Variants in VAV1 observed in about 807,000 individuals in gnomAD.
VAV1 encodes the protein vav guanine nucleotide exchange factor 1.
Under a neutral mutation model 128.1 loss-of-function variants are expected in VAV1, and 33 were observed. The observed-to-expected ratio is 0.26, with a 90% CI of 0.20 to 0.34. The LOEUF (loss-of-function observed/expected upper bound fraction) is 0.34. VAV1 is among the 10% of genes least tolerant of loss of function. VAV1 has a pLI of 1.00. For missense variants in VAV1, 715 were observed against 1,093.7 expected (o/e 0.65, Z 4.88); for synonymous variants, 394 against 409.8 (o/e 0.96, Z 0.47).
At chr19:6,848,335 A>AAATT in intron 23 of VAV1, among the ~76,000 whole-genome samples, 1 of 152,272 alleles carries the variant, frequency 6.6e-6, no homozygotes, top group South Asian at 2.1e-4. Flanking sequence ...AAGGCTCTTA[A>AAATT]AATTAATTAA....
intron 1 of VAV1, among the ~76,000 whole-genome samples, chr19:6,782,375 T>C (rs1055072453): frequency 1.3e-4 from 20 of 151,862 alleles, no homozygotes; most frequent in African/African-American, 4.8e-4. Context: ...TAAAATAAAA[T>C]AAAATGGAAA....
chr19:6,776,550 A>ATCCATCCG (rs1372497448), intron 1 of VAV1, among the ~76,000 whole-genome samples: 21 of 116,570 alleles, frequency 1.8e-4, no homozygotes, highest in African/African-American at 6.7e-4. Flanking sequence ...CCATCCATCC[A>ATCCATCCG]TCCATTCAAC....
At position 6,828,028 on chromosome 19, in the gene VAV1, T is replaced by A; in HGVS notation, c.928-48T>A. ...TATCTGCACCCACCCTGCAACTGGC[T>A]GTTTCTGGGACCTGCCTCAGTTTCC... On this transcript the variant is annotated intron_variant, in intron 9 of 26. Coordinates refer to ENST00000602142, the MANE Select transcript of VAV1 (RefSeq NM_005428.4). This position sits in a 1 kb window ranked among gnomAD's most constrained non-coding sequence, Gnocchi z 4.5. The A allele has an allele frequency of 6.4e-7, 1 of 1,553,484 alleles. No homozygotes were observed. Among genetic ancestry groups the A allele is most frequent in the Non-Finnish European group, 8.9e-7 (1 of 1,125,144 alleles).
chr19:6,796,761 T>G lies in VAV1; in HGVS notation c.204+23750T>G, dbSNP rs118050552. Among the ~76,000 whole-genome samples the G allele has an allele frequency of 2.6e-5, 4 of 152,280 alleles. No homozygotes were observed. The East Asian group carries it at 7.7e-4, about 29-fold the overall frequency. ...ATTCTCCATTCCTTTTCCTACTTAT[T>G]TTTTTCTCGCTTAACACTTACCACC... On this transcript the variant is annotated intron_variant, in intron 1 of 26. Coordinates refer to ENST00000602142, the MANE Select transcript of VAV1 (RefSeq NM_005428.4).
At chr19:6,788,608 C>T (rs776507975) in intron 1 of VAV1, among the ~76,000 whole-genome samples, 5 of 152,050 alleles carry the variant, frequency 3.3e-5, no homozygotes, top group Admixed American at 6.6e-5. Context: ...AATGACCTCA[C>T]GTGATCTGCC....
At chr19:6,802,038 C>G (rs34640358) in intron 1 of VAV1, among the ~76,000 whole-genome samples, 132,027 of 151,858 alleles carry the variant, frequency 0.87, 57,657 homozygotes, top group East Asian at 0.94. Context: ...CCTCATAATG[C>G]CTCTCCTACG....
At chr19:6,805,583 TACACACACACACACAC>T (rs55732746) in intron 1 of VAV1, among the ~76,000 whole-genome samples, 7 of 139,092 alleles carry the variant, frequency 5.0e-5, no homozygotes, top group African/African-American at 7.9e-5. Flanking sequence ...TTTCTACAGA[TACACACACACACACAC>T]ACACACACAC....
rs4029439 is a variant in VAV1, at chr19:6,849,285, CTTTTTTT to C, written c.2129+1186_2129+1192del. On this transcript the variant is annotated intron_variant, in intron 23 of 26. Coordinates refer to ENST00000602142, the MANE Select transcript of VAV1 (RefSeq NM_005428.4). ...CTCCCCCGAGTCTACTGTTTCCAGCCTTTTTTTTTTTTTTTTTTTTTGAGATGGAGTC... is the reference window on the plus strand; with the variant it reads ...CTCCCCCGAGTCTACTGTTTCCAGCCTTTTTTTTTTTTTTGAGATGGAGTC... Among the ~76,000 whole-genome samples, 178 of 92,174 alleles carry C rather than the reference CTTTTTTT, an allele frequency of 1.9e-3. 1 individual carries two copies. The highest frequency in any genetic ancestry group is 0.01 in the African/African-American group (173 of 16,844). 60.5% of individuals were successfully genotyped at this position (92,174 alleles called of 152,430 possible). A position where few individuals can be genotyped will look rare whatever the true frequency, so the allele number is the denominator to read the frequency against.
intron 1 of VAV1, among the ~76,000 whole-genome samples, chr19:6,778,283 C>A (rs186759327): frequency 2.3e-4 from 35 of 152,238 alleles, no homozygotes; most frequent in African/African-American, 8.4e-4. Context: ...GGAGATGGAA[C>A]TTGAAGGCCA....
intron 1 of VAV1, among the ~76,000 whole-genome samples, chr19:6,811,779 G>A: frequency 6.6e-6 from 1 of 152,158 alleles, no homozygotes; most frequent in African/African-American, 2.4e-5. Context: ...TACTTCATTA[G>A]GATAACACCA....
intron 1 of VAV1, among the ~76,000 whole-genome samples, chr19:6,799,869 A>G (rs1200745264): frequency 2.0e-5 from 3 of 148,968 alleles, no homozygotes; most frequent in African/African-American, 7.4e-5. Flanking sequence ...AAAAAAAAGG[A>G]AAGAAAAGAA....
At chr19:6,833,467 G>A (rs2144793834) in intron 16 of VAV1, 61 bp from the exon 17 acceptor site, 2 of 1,499,848 alleles carry the variant, frequency 1.3e-6, no homozygotes, top group Non-Finnish European at 1.8e-6. Flanking sequence ...GTTTTTAGCA[G>A]AATATTTGGC....
intron 1 of VAV1, among the ~76,000 whole-genome samples, chr19:6,781,086 G>C (rs1970758620): frequency 6.7e-6 from 1 of 149,440 alleles, no homozygotes; most frequent in South Asian, 2.1e-4. Context: ...TTTTAAAGTA[G>C]AGATGGGGGT....
chr19:6,804,749 A>G (rs1192638883), intron 1 of VAV1, among the ~76,000 whole-genome samples: 10 of 114,422 alleles, frequency 8.7e-5, no homozygotes, highest in Non-Finnish European at 1.2e-4. Context: ...TTTGAGACGG[A>G]GTCTTGCTCT....
At chr19:6,812,552 C>G (rs143903552) in intron 1 of VAV1, among the ~76,000 whole-genome samples, 138 of 152,086 alleles carry the variant, frequency 9.1e-4, no homozygotes, top group African/African-American at 3.2e-3. Context: ...CCCAGCTGTT[C>G]GAGAGGCTGA....
intron 1 of VAV1, among the ~76,000 whole-genome samples, chr19:6,808,769 A>G (rs1161390967): frequency 2.0e-5 from 3 of 152,194 alleles, no homozygotes; most frequent in Non-Finnish European, 4.4e-5. Context: ...ATTCCAATTA[A>G]TTTAGTAAAT....
At chr19:6,789,503 G>A (rs1447525989) in intron 1 of VAV1, among the ~76,000 whole-genome samples, 2 of 152,032 alleles carry the variant, frequency 1.3e-5, no homozygotes, top group African/African-American at 2.4e-5. Context: ...CACCTGCCTT[G>A]GCCTCCCAAA....
In VAV1 at chr19:6,828,179, G is replaced by C. The variant is rs768491466; in HGVS notation, c.1023+8G>C. 1.2e-6 allele frequency: 2 copies of C among 1,614,006 alleles called. No homozygotes were observed. The highest frequency in any genetic ancestry group is 1.7e-6 in the Non-Finnish European group (2 of 1,179,988). On this transcript the variant is annotated splice_region_variant and intron_variant, in intron 10 of 26. Transcript: ENST00000602142. This position sits in a 1 kb window ranked among gnomAD's most constrained non-coding sequence, Gnocchi z 4.5. Reference sequence around the variant, plus strand: ...TATCACCTCCTTCTCCAGGTGCCAGGCACATCTCTAGGCGTGGGCTCCACG... The same window carrying C: ...TATCACCTCCTTCTCCAGGTGCCAGCCACATCTCTAGGCGTGGGCTCCACG...
chr19:6,854,166 C>T (rs2144835825), intron 26 of VAV1, 68 bp downstream of exon 26: 4 of 1,573,874 alleles, frequency 2.5e-6, no homozygotes, highest in Non-Finnish European at 3.4e-6. Flanking sequence ...GAGACTGGAA[C>T]TGGGGACTGG....
Sources: gnomAD v4.1 joint callset for allele counts (sites outside exome capture counted in the v4.1 genomes callset) on GRCh38, gnomAD v4.1.1 for gene constraint, Gnocchi (gnomAD v3.1) non-coding constraint, MANE v1.5 for transcripts, NCBI Gene and HGNC (gene_info 2026-07-23, HGNC 2026-07-21) for gene names.